The following NME6 variants were observed in gnomAD, a reference collection of about 807,000 sequenced individuals.
NME6 encodes the protein nucleoside diphosphate kinase 6, mitochondrial.
NME6 carries 16 observed loss-of-function variants against 22.2 expected under a neutral mutation model. The observed-to-expected ratio is 0.72, with a 90% confidence interval of 0.49 to 1.09. The LOEUF (loss-of-function observed/expected upper bound fraction) is 1.09. Ranked by LOEUF, NME6 falls within the 50% of genes least tolerant of loss-of-function variation. The probability of loss-of-function intolerance (pLI) is 0.00; values close to 1 mark genes in which losing one functional copy is unlikely to be tolerated. For synonymous variants in NME6, 58 were observed against 85.2 expected, an observed-to-expected ratio of 0.68 and a Z score of 1.76; for missense variants, 229 against 239.0, an observed-to-expected ratio of 0.96 and a Z score of 0.28.
At chr3:48,296,552 T>C (rs1159771743) in intron 3 of NME6, among the ~76,000 whole-genome samples, 175 bp downstream of exon 3, 1 of 152,180 alleles carries the variant, frequency 6.6e-6, no homozygotes, top group Non-Finnish European at 1.5e-5. Flanking sequence ...GAACCCTCCT[T>C]GGGAAAAGAT....
Position 48,295,168 on chromosome 3 carries a change from G to A in NME6, c.301C>T (p.Pro101Ser). 2 of 1,614,168 alleles carry A rather than the reference G, an allele frequency of 1.2e-6. No homozygotes were observed. Among genetic ancestry groups the A allele is most frequent in the Non-Finnish European group, 1.7e-6 (2 of 1,180,018 alleles). ...TGGCGTGCTCGGAACACTCTGGTGG[G>A]TCCCATGAGCGTCCTCCAGAGCTGG... is the stretch of plus-strand genomic sequence containing the variant. Reference protein sequence around the residue: ...AIQLWRTLMGPTRVFRARHVA... With the variant: ...AIQLWRTLMGSTRVFRARHVA... Residue 101 changes from proline (P) to serine (S), a missense_variant, in exon 5 of 6, where the codon CCC (proline) becomes TCC (serine). Physicochemically the swap from Pro to Ser is moderately conservative, Grantham distance 74. Coordinates refer to ENST00000442597, the MANE Select transcript of NME6 (RefSeq NM_001308426.2).
At chr3:48,300,241 C>T (rs1262015393) in intron 1 of NME6, 1 of 456,736 alleles carries the variant, frequency 2.2e-6, no homozygotes. Context: ...ATCACGGCCT[C>T]CCAGGCTCTG....
chr3:48,297,319 G>C (rs1294933835), intron 2 of NME6, among the ~76,000 whole-genome samples: 1 of 152,118 alleles, frequency 6.6e-6, no homozygotes, highest in Non-Finnish European at 1.5e-5. Context: ...GGCTGCCTGC[G>C]GCCCTCAGAC....
At chr3:48,288,387 G>T (rs1305909570), downstream of NME6, among the ~76,000 whole-genome samples, 1 of 146,690 alleles carries the variant, frequency 6.8e-6, no homozygotes, top group Non-Finnish European at 1.5e-5. Context: ...AAAAAAAAAA[G>T]AAAAAAAAAA....
In NME6 at chr3:48,293,046, C is replaced by T. The variant is rs2034670050; in HGVS notation, c.*1591G>A. ...GCTGTGCCCTGAGCAGTAGTCTCTG[C>T]CCAAGTAATCCTGTGTTTTCTGCCA... On this transcript the variant is annotated 3_prime_UTR_variant, in exon 6 of 6. Transcript: ENST00000442597. 1.3e-5 allele frequency: 2 copies of T among 152,202 alleles called. No homozygotes were observed. The highest frequency in any genetic ancestry group is 2.9e-5 in the Non-Finnish European group (2 of 68,050). 9.4% of individuals were successfully genotyped at this position (152,202 alleles called of 1,614,324 possible). A position where few individuals can be genotyped will look rare whatever the true frequency, so the allele number is the denominator to read the frequency against.
Position 48,295,154 on chromosome 3 carries a change from G to C in NME6, c.315C>G (p.Phe105Leu), listed in dbSNP as rs767223581. 10 of 1,614,070 alleles carry C rather than the reference G, an allele frequency of 6.2e-6. No individual in the cohort carries two copies. The highest frequency in any genetic ancestry group is 4.0e-5 in the African/African-American group (3 of 74,920). The change falls in exon 5 of 6, where the codon TTC (phenylalanine) becomes TTG (leucine). Residue 105 changes from phenylalanine to leucine, a missense_variant. Physicochemically the swap from Phe to Leu is conservative, Grantham distance 22 (BLOSUM62 0). Transcript: ENST00000442597. ...WRTLMGPTRV[F>L]RARHVAPDSI... ...AATCTGGGGCCACATGGCGTGCTCG[G>C]AACACTCTGGTGGGTCCCATGAGCG...
chr3:48,296,069 G>T (rs1425042641), intron 4 of NME6, 50 bp downstream of exon 4: 1 of 1,183,438 alleles, frequency 8.4e-7, no homozygotes, highest in African/African-American at 1.5e-5. Context: ...TTTAGGGGCA[G>T]GGGAGATTAG....
chr3:48,291,876 T>G (rs545849324), downstream of NME6: 1 of 152,212 alleles, frequency 6.6e-6, no homozygotes, highest in Non-Finnish European at 1.5e-5. Flanking sequence ...AAGCAATTCT[T>G]CTGCCTCAGC....
chr3:48,298,255 T>A, intron 2 of NME6, 172 bp downstream of exon 2: 1 of 651,110 alleles, frequency 1.5e-6, no homozygotes, highest in East Asian at 2.8e-5. Context: ...TAGGTCTGCC[T>A]CAAGTCTCCA....
chr3:48,301,266 T>G (rs2035675784), intron 1 of NME6, 87 bp downstream of exon 1: 1 of 1,593,240 alleles, frequency 6.3e-7, no homozygotes. Context: ...CGCGCAGCCC[T>G]CACCCCTCGT....
Position 48,294,541 on chromosome 3 carries a change from G to T in NME6, c.*96C>A. 7.5e-7 allele frequency: 1 copy of T among 1,329,652 alleles called. No individual in the cohort carries two copies. Among genetic ancestry groups the T allele is most frequent in the Non-Finnish European group, 1.0e-6 (1 of 953,458 alleles). 82.4% of individuals were successfully genotyped at this position (1,329,652 alleles called of 1,614,324 possible). A position where few individuals can be genotyped will look rare whatever the true frequency, so the allele number is the denominator to read the frequency against. On this transcript the variant is annotated 3_prime_UTR_variant, in exon 6 of 6. Coordinates refer to ENST00000442597, the MANE Select transcript of NME6 (RefSeq NM_001308426.2). ...CAGGTGGTGGTGCCCAGCAGAAATGGCACTGTAAGCCAGGCTTCCCTGGTC... is the reference window on the plus strand; with the variant it reads ...CAGGTGGTGGTGCCCAGCAGAAATGTCACTGTAAGCCAGGCTTCCCTGGTC...
rs1234497427 is a variant in NME6, at chr3:48,294,284, G to C, written c.*353C>G. On this transcript the variant is annotated 3_prime_UTR_variant, in exon 6 of 6. Transcript: ENST00000442597. ...AGATGGGGTTTCACCATGTTGGTCA[G>C]GCTGGTCTCGAATTCCTGACCTTGT... 5.2e-6 allele frequency: 1 copy of C among 191,930 alleles called. No individual in the cohort carries two copies. Among genetic ancestry groups the C allele is most frequent in the Admixed American group, 5.2e-5 (1 of 19,208 alleles). The allele number at this position is 191,930 out of a possible 1,614,324, so 11.9% of individuals were successfully genotyped here. A position where few individuals can be genotyped will look rare whatever the true frequency, so the allele number is the denominator to read the frequency against.
intron 4 of NME6, chr3:48,295,738 G>A (rs536985791): frequency 5.3e-5 from 12 of 226,416 alleles, no homozygotes; most frequent in African/African-American, 2.6e-4. Flanking sequence ...TTTTTGAGAC[G>A]AAGTTTCACT....
intron 4 of NME6, chr3:48,295,840 C>A: frequency 8.3e-6 from 4 of 479,810 alleles, no homozygotes; most frequent in Non-Finnish European, 1.5e-5. Flanking sequence ...CTCAGCCTCC[C>A]GAGTAGCTGG....
At chr3:48,300,534 A>C (rs1033896158) in intron 1 of NME6, 1 of 357,142 alleles carries the variant, frequency 2.8e-6, no homozygotes, top group Non-Finnish European at 5.5e-6. Flanking sequence ...TACCTAGCAC[A>C]CAGCTGGCTC....
chr3:48,292,016 T>C (rs7651151), downstream of NME6: 53,816 of 152,086 alleles, frequency 0.35, 10,347 homozygotes, highest in African/African-American at 0.49. Context: ...CCGCCCGCCT[T>C]GGCCTCCCAA....
intron 1 of NME6, among the ~76,000 whole-genome samples, chr3:48,299,625 G>A (rs2035490080): frequency 6.6e-6 from 1 of 151,830 alleles, no homozygotes; most frequent in South Asian, 2.1e-4. Context: ...ATCATTTGTC[G>A]ACAAATACAG....
At position 48,299,093 on chromosome 3, in the gene NME6, A is replaced by C. The variant is rs149128307; in HGVS notation, c.-7-570T>G. On this transcript the variant is annotated intron_variant, in intron 1 of 5. Coordinates refer to ENST00000442597, the MANE Select transcript of NME6 (RefSeq NM_001308426.2). Reference sequence around the variant, plus strand: ...ATCAGGATCTCCTGTGCCCAAATCAAACCTGTTAATACACTCAGCTGTCCT... The same window carrying C: ...ATCAGGATCTCCTGTGCCCAAATCACACCTGTTAATACACTCAGCTGTCCT... The C allele has an allele frequency of 2.4e-5, 16 of 653,940 alleles. No homozygotes were observed. In the African/African-American group the frequency reaches 2.9e-4, roughly 12 times the overall value. 40.5% of individuals were successfully genotyped at this position (653,940 alleles called of 1,614,324 possible). A position where few individuals can be genotyped will look rare whatever the true frequency, so the allele number is the denominator to read the frequency against.
chr3:48,300,504 C>A, intron 1 of NME6: 1 of 376,196 alleles, frequency 2.7e-6, no homozygotes, highest in Non-Finnish European at 5.2e-6. Context: ...TCCGTCTTCA[C>A]CACCAGAAGG....
Sources: allele counts gnomAD v4.1 joint callset (sites outside exome capture counted in the v4.1 genomes callset), GRCh38; gene constraint gnomAD v4.1.1; transcripts MANE v1.5; gene names NCBI Gene and HGNC (gene_info 2026-07-23, HGNC 2026-07-21).